Variants in PDE4A observed in about 807,000 individuals in gnomAD.
PDE4A encodes the protein phosphodiesterase 4A.
In PDE4A, 21 loss-of-function variants were observed where a neutral mutation model predicts 73.9. The ratio of observed to expected loss-of-function variants is 0.28; its 90% CI spans 0.20 to 0.41. The LOEUF (loss-of-function observed/expected upper bound fraction) is 0.41. PDE4A is among the 10% of genes least tolerant of loss of function. The pLI is 1.00. For synonymous variants in PDE4A, 463 were observed against 505.4 expected, an observed-to-expected ratio of 0.92 and a Z score of 1.13; for missense variants, 958 against 1,211.4, an observed-to-expected ratio of 0.79 and a Z score of 3.10.
chr19:10,437,711 C>A (rs2042883599), intron 1 of PDE4A, among the ~76,000 whole-genome samples: 1 of 151,680 alleles, frequency 6.6e-6, no homozygotes, highest in Admixed American at 6.6e-5. Flanking sequence ...AGCCATTCTG[C>A]TTGGCCCATT....
upstream of PDE4A, chr19:10,417,684 G>C: frequency 6.3e-7 from 1 of 1,595,516 alleles, no homozygotes; most frequent in Non-Finnish European, 8.5e-7. Context: ...CCCCGAATCC[G>C]ACCGTGCCAA....
Position 10,468,294 on chromosome 19 carries a change from G to C in PDE4A, c.*673G>C, listed in dbSNP as rs1179101640. The C allele has an allele frequency of 1.3e-5, 2 of 152,478 alleles. No homozygotes were observed. Among genetic ancestry groups the C allele is most frequent in the Non-Finnish European group, 2.9e-5 (2 of 68,004 alleles). 9.4% of individuals were successfully genotyped at this position (152,478 alleles called of 1,614,324 possible). ...CCTGGCGATACTGACTAGAAAGTCAGGGAGCTGGGGGAGCTGTTCACTTTA... is the reference window on the plus strand; with the variant it reads ...CCTGGCGATACTGACTAGAAAGTCACGGAGCTGGGGGAGCTGTTCACTTTA... On this transcript the variant is annotated 3_prime_UTR_variant, in exon 15 of 15. Transcript: ENST00000380702.
rs2043320370 is a variant in PDE4A, at chr19:10,463,872, G to A, written c.1823G>A (p.Arg608His). Residue 608 changes from arginine to histidine, a missense_variant, in exon 14 of 15, where the codon CGC (arginine) becomes CAC (histidine). This residue lies in a region of PDE4A where 570 missense variants were observed against 827.7 expected (regional missense o/e 0.69). Transcript: ENST00000380702. Reference sequence around the variant, plus strand: ...GAGCTGTACCGCCAGTGGACAGACCGCATCATGGCCGAGTTCTTCCAGCAG... The same window carrying A: ...GAGCTGTACCGCCAGTGGACAGACCACATCATGGCCGAGTTCTTCCAGCAG... The part of the protein sequence containing the change: ...PLELYRQWTD[R>H]IMAEFFQQGD... 6 of 1,614,102 alleles carry A rather than the reference G, an allele frequency of 3.7e-6. No homozygotes were observed. The highest frequency in any genetic ancestry group is 5.1e-6 in the Non-Finnish European group (6 of 1,180,018).
At position 10,467,632 on chromosome 19, in the gene PDE4A, T is replaced by C. The variant is rs202019733; in HGVS notation, c.*11T>C. On this transcript the variant is annotated 3_prime_UTR_variant, in exon 15 of 15. Transcript: ENST00000380702. Reference sequence around the variant, plus strand: ...GGAGACCCTACCTGATCCCCAGACCTCTGTCCCTGTTCCCCTCCACTCCTC... The same window carrying C: ...GGAGACCCTACCTGATCCCCAGACCCCTGTCCCTGTTCCCCTCCACTCCTC... 4.6e-6 allele frequency: 7 copies of C among 1,534,658 alleles called. No homozygotes were observed. Among genetic ancestry groups the C allele is most frequent in the Non-Finnish European group, 6.1e-6 (7 of 1,139,080 alleles).
chr19:10,447,217 C>CTTTTTTTT (rs34169084), intron 2 of PDE4A, among the ~76,000 whole-genome samples: 2 of 59,200 alleles, frequency 3.4e-5, no homozygotes, highest in Non-Finnish European at 2.9e-5. Flanking sequence ...CTTTTTTTCT[C>CTTTTTTTT]TTTTTTTTTT....
At chr19:10,457,568 G>A (rs535412413) in intron 7 of PDE4A, among the ~76,000 whole-genome samples, 9 of 151,972 alleles carry the variant, frequency 5.9e-5, no homozygotes, top group Admixed American at 3.3e-4. Flanking sequence ...CTGGGTGTTC[G>A]GGGTAGGCAG....
Position 10,420,954 on chromosome 19 carries a change from C to A in PDE4A, c.190C>A (p.Pro64Thr). 3 of 1,559,492 alleles carry A rather than the reference C, an allele frequency of 1.9e-6. No homozygotes were observed. Among genetic ancestry groups the A allele is most frequent in the Non-Finnish European group, 2.6e-6 (3 of 1,161,832 alleles). ...RAERERQPHR[P>T]IERADAMDTS... Reference sequence around the variant, plus strand: ...CGAGCGGGAGCGGCAGCCGCACCGGCCCATAGAGCGCGCCGATGCCATGGA... The same window carrying A: ...CGAGCGGGAGCGGCAGCCGCACCGGACCATAGAGCGCGCCGATGCCATGGA... The change falls in exon 1 of 15, where the codon CCC becomes ACC. Residue 64 changes from proline (P) to threonine (T), a missense_variant. Physicochemically the swap from Pro to Thr is conservative, Grantham distance 38. Transcript: ENST00000380702. This position sits in a 1 kb window ranked among gnomAD's most constrained non-coding sequence, Gnocchi z 6.0.
chr19:10,437,822 T>TTTA, intron 1 of PDE4A, among the ~76,000 whole-genome samples: 1 of 150,652 alleles, frequency 6.6e-6, no homozygotes, highest in Non-Finnish European at 1.5e-5. Context: ...TTTTTTTTTT[T>TTTA]GAGACAGGGT....
In PDE4A at chr19:10,467,336, T is replaced by C; in HGVS notation, c.2376T>C (p.Ala792=). ...AGTCCACAGGCAGTGCACCTGTGGC[T>C]CCGGATGAGTTCTCGTCCCGGGAGG... ...QAQSTGSAPV[A]PDEFSSREEF... Residue 792 remains alanine (A), a synonymous_variant, in exon 15 of 15, where the codon GCT becomes GCC. Coordinates refer to ENST00000380702, the MANE Select transcript of PDE4A (RefSeq NM_001111307.2). 1 of 1,614,176 alleles carries C rather than the reference T, an allele frequency of 6.2e-7. No individual in the cohort carries two copies. Among genetic ancestry groups the C allele is most frequent in the African/African-American group, 1.3e-5 (1 of 75,048 alleles).
intron 1 of PDE4A, among the ~76,000 whole-genome samples, chr19:10,438,606 T>G (rs2042896748): frequency 6.6e-6 from 1 of 152,098 alleles, no homozygotes; most frequent in African/African-American, 2.4e-5. Context: ...AATGTTTTTT[T>G]GTTTGTTTGT....
At chr19:10,418,633 C>A, upstream of PDE4A, 1 of 332,090 alleles carries the variant, frequency 3.0e-6, no homozygotes, top group Non-Finnish European at 4.3e-6. Flanking sequence ...TACCTCTCCA[C>A]GCCCATCCCA....
At position 10,467,726 on chromosome 19, in the gene PDE4A, T is replaced by A; in HGVS notation, c.*105T>A. On this transcript the variant is annotated 3_prime_UTR_variant, in exon 15 of 15. Coordinates refer to ENST00000380702, the MANE Select transcript of PDE4A (RefSeq NM_001111307.2). The stretch of plus-strand genomic sequence containing the variant: ...AAGACTCTTGTCCTCTTGTCCCTCC[T>A]GAGAAAAAAGAAAACGAAAAGTGGG... The A allele has an allele frequency of 1.2e-6, 1 of 854,840 alleles. No homozygotes were observed. Among genetic ancestry groups the A allele is most frequent in the Non-Finnish European group, 1.7e-6 (1 of 583,332 alleles). The allele number at this position is 854,840 out of a possible 1,614,324, so 53.0% of individuals were successfully genotyped here. A position where few individuals can be genotyped will look rare whatever the true frequency, so the allele number is the denominator to read the frequency against.
chr19:10,460,280 C>T (rs1025360678), intron 10 of PDE4A, among the ~76,000 whole-genome samples: 33 of 152,048 alleles, frequency 2.2e-4, no homozygotes, highest in Middle Eastern at 3.4e-3. Flanking sequence ...GGGTGGATCA[C>T]CTGAGGTCGG....
chr19:10,427,609 G>C, intron 1 of PDE4A: 1 of 985,414 alleles, frequency 1.0e-6, no homozygotes, highest in Non-Finnish European at 1.2e-6. Flanking sequence ...TAAAGGGCTT[G>C]TGTAGCCTCA....
upstream of PDE4A, chr19:10,417,819 C>T (rs766923339): frequency 1.3e-5 from 21 of 1,557,834 alleles, no homozygotes; most frequent in South Asian, 2.2e-4. Flanking sequence ...CACCCTGCCG[C>T]TGCTGATCCC....
chr19:10,432,443 C>A, intron 1 of PDE4A: 1 of 1,470,594 alleles, frequency 6.8e-7, no homozygotes, highest in Non-Finnish European at 9.0e-7. Context: ...CCATGCGCTC[C>A]GGTGCAGCGC....
chr19:10,448,341 T>A (rs547335377), intron 2 of PDE4A, among the ~76,000 whole-genome samples: 9 of 150,974 alleles, frequency 6.0e-5, no homozygotes, highest in African/African-American at 2.2e-4. Flanking sequence ...AAAGAAAAAA[T>A]AAATAAATAA....
At chr19:10,449,001 C>T in intron 3 of PDE4A, 48 bp downstream of exon 3, 2 of 1,611,772 alleles carry the variant, frequency 1.2e-6, no homozygotes, top group Non-Finnish European at 1.7e-6. Flanking sequence ...CTCCAATGCT[C>T]CGCCACACTT....
At chr19:10,450,962 A>G (rs1488640989) in intron 6 of PDE4A, 21 bp downstream of exon 6, 1 of 1,508,562 alleles carries the variant, frequency 6.6e-7, no homozygotes, top group South Asian at 1.2e-5. Flanking sequence ...GGTGGGCAGA[A>G]CCCCTGGGCG....
Sources: gnomAD v4.1 joint callset for allele counts (sites outside exome capture counted in the v4.1 genomes callset) on GRCh38, gnomAD v4.1.1 for gene constraint, gnomAD v4.1.1 regional missense constraint, Gnocchi (gnomAD v3.1) non-coding constraint, MANE v1.5 for transcripts, NCBI Gene and HGNC (gene_info 2026-07-23, HGNC 2026-07-21) for gene names.